Variants in LUZP1 observed in about 807,000 individuals in gnomAD.
LUZP1 encodes leucine zipper protein 1, also known as filamin mechanobinding actin cross-linking protein.
Under a neutral mutation model 71.3 loss-of-function variants are expected in LUZP1, and 25 were observed. The observed-to-expected ratio is 0.35, with a 90% CI of 0.26 to 0.49. The LOEUF (loss-of-function observed/expected upper bound fraction) is 0.49. Among genes scored for constraint, LUZP1 ranks in the 20% least tolerant of loss-of-function variants. The pLI, the probability that LUZP1 is intolerant of heterozygous loss-of-function variation, is 0.99. For synonymous variants in LUZP1, 481 were observed against 506.4 expected (o/e 0.95, Z 0.67); for missense variants, 1,142 against 1,300.8 (o/e 0.88, Z 1.88).
At chr1:23,127,114 T>G (rs1379627511) in intron 2 of LUZP1, among the ~76,000 whole-genome samples, 1 of 152,224 alleles carries the variant, frequency 6.6e-6, no homozygotes, top group Non-Finnish European at 1.5e-5. Flanking sequence ...CATACATTTT[T>G]GTCTATTCAT....
chr1:23,123,195 A>C (rs1569614473), intron 2 of LUZP1, among the ~76,000 whole-genome samples: 1 of 152,142 alleles, frequency 6.6e-6, no homozygotes, highest in Non-Finnish European at 1.5e-5. Context: ...TTAGTATCCT[A>C]TAAGAATCAT....
chr1:23,170,478 T>TG, intron 1 of LUZP1, among the ~76,000 whole-genome samples: 1 of 132,958 alleles, frequency 7.5e-6, no homozygotes, highest in Admixed American at 7.5e-5. Flanking sequence ...TTTTTTTTTT[T>TG]TTTTTGAGAC....
At chr1:23,148,609 G>A (rs1422812060) in intron 2 of LUZP1, among the ~76,000 whole-genome samples, 1 of 152,158 alleles carries the variant, frequency 6.6e-6, no homozygotes, top group Admixed American at 6.5e-5. Context: ...AGTGGTGCTT[G>A]TGAATTCTAT....
chr1:23,131,957 A>G (rs2124688403), intron 2 of LUZP1, among the ~76,000 whole-genome samples: 1 of 152,280 alleles, frequency 6.6e-6, no homozygotes, highest in African/African-American at 2.4e-5. Context: ...AAGTGCTGGG[A>G]TTACAAGCAT....
intron 2 of LUZP1, among the ~76,000 whole-genome samples, chr1:23,130,848 TCTCA>T (rs1279968976): frequency 6.6e-6 from 1 of 152,078 alleles, no homozygotes; most frequent in East Asian, 1.9e-4. Flanking sequence ...CTCTGAGACC[TCTCA>T]CTCAATGTTC....
intron 3 of LUZP1, among the ~76,000 whole-genome samples, chr1:23,096,868 G>A (rs970632310): frequency 4.6e-5 from 7 of 152,136 alleles, no homozygotes; most frequent in Non-Finnish European, 1.0e-4. Flanking sequence ...AGCTACTTGG[G>A]AGGCTGGGGC....
intron 2 of LUZP1, among the ~76,000 whole-genome samples, chr1:23,163,165 G>A (rs1374561697): frequency 2.7e-5 from 4 of 146,480 alleles, no homozygotes; most frequent in Admixed American, 1.4e-4. Context: ...GTTTGAACCC[G>A]GGAGGTGGAA....
chr1:23,152,815 G>A (rs1644394567), intron 2 of LUZP1, among the ~76,000 whole-genome samples: 1 of 152,060 alleles, frequency 6.6e-6, no homozygotes, highest in Non-Finnish European at 1.5e-5. Context: ...ACAAGTGTGG[G>A]CCACCGTTCC....
intron 2 of LUZP1, among the ~76,000 whole-genome samples, chr1:23,149,376 G>A (rs935492724): frequency 6.6e-6 from 1 of 152,098 alleles, no homozygotes; most frequent in Admixed American, 6.5e-5. Flanking sequence ...CAGGCCACAA[G>A]ATGAACACCA....
intron 2 of LUZP1, chr1:23,164,138 C>T (rs560069932): frequency 6.6e-6 from 1 of 151,808 alleles, no homozygotes; most frequent in East Asian, 1.9e-4. Context: ...TCCTTTGCTT[C>T]GGGCAGAGCA....
intron 4 of LUZP1, among the ~76,000 whole-genome samples, chr1:23,089,616 G>A (rs1004624959): frequency 6.6e-6 from 1 of 150,430 alleles, no homozygotes; most frequent in African/African-American, 2.4e-5. Context: ...TTTTTGAGAC[G>A]AAGTCTCGCA....
At chr1:23,147,612 C>CCA (rs1553141117) in intron 2 of LUZP1, among the ~76,000 whole-genome samples, 4 of 61,470 alleles carry the variant, frequency 6.5e-5, no homozygotes, top group Non-Finnish European at 1.2e-4. Context: ...AGTCTCTACC[C>CCA]AAAAAAAAAA....
intron 2 of LUZP1, among the ~76,000 whole-genome samples, chr1:23,142,679 T>G (rs1644312379): frequency 6.8e-6 from 1 of 147,506 alleles, no homozygotes; most frequent in African/African-American, 2.5e-5. Flanking sequence ...AAATGGTGGG[T>G]GCATAAAATA....
chr1:23,098,172 A>T (rs966312938), intron 3 of LUZP1, among the ~76,000 whole-genome samples: 1 of 152,232 alleles, frequency 6.6e-6, no homozygotes, highest in Non-Finnish European at 1.5e-5. Flanking sequence ...AGCACTGCAG[A>T]ACAAAGCAAA....
exon 5 of LUZP1, chr1:23,088,761 G>T: frequency 1.6e-6 from 2 of 1,289,620 alleles, no homozygotes; most frequent in Non-Finnish European, 2.1e-6. Context: ...CTGAGCCACA[G>T]CCCGGCTCTA....
intron 2 of LUZP1, among the ~76,000 whole-genome samples, chr1:23,154,035 G>A (rs368045088): frequency 2.0e-5 from 3 of 152,166 alleles, no homozygotes; most frequent in East Asian, 3.8e-4. Flanking sequence ...TAATGTGGAT[G>A]AACCTCAAAA....
exon 4 of LUZP1, chr1:23,091,680 A>G (rs766268988): frequency 3.7e-6 from 6 of 1,613,948 alleles, no homozygotes; most frequent in African/African-American, 2.7e-5. Flanking sequence ...CCCATCTGCC[A>G]TTCTCTCCGC....
intron 2 of LUZP1, among the ~76,000 whole-genome samples, chr1:23,120,517 T>A (rs982035239): frequency 1.3e-5 from 2 of 151,230 alleles, no homozygotes; most frequent in Non-Finnish European, 3.0e-5. Flanking sequence ...GCCCAGCTAA[T>A]TTTTTTTATT....
chr1:23,091,636 G>A (rs746191983), exon 4 of LUZP1: 22 of 1,613,922 alleles, frequency 1.4e-5, no homozygotes, highest in South Asian at 6.6e-5. Flanking sequence ...ATGCTGCTCC[G>A]AGAGACCACT....
Sources: gnomAD v4.1 joint callset for allele counts (sites outside exome capture counted in the v4.1 genomes callset) on GRCh38, gnomAD v4.1.1 for gene constraint, MANE v1.5 for transcripts, NCBI Gene and HGNC (gene_info 2026-07-23, HGNC 2026-07-21) for gene names.